ARHGAP8: variants seen among roughly 807,000 people sequenced by gnomAD.
The protein encoded by ARHGAP8 is Rho GTPase activating protein 8.
In ARHGAP8, 62 loss-of-function variants were observed where a neutral mutation model predicts 46.1. The ratio of observed to expected loss-of-function variants is 1.34; its 90% confidence interval spans 1.10 to 1.66. The LOEUF is 1.66. Among genes scored for constraint, ARHGAP8 ranks in the 40% most tolerant of loss-of-function variants. The pLI, the probability that ARHGAP8 is intolerant of heterozygous loss-of-function variation, is 0.00. For synonymous variants in ARHGAP8, 375 were observed against 243.1 expected, an observed-to-expected ratio of 1.54 and a Z score of -5.05; for missense variants, 923 against 568.4, an observed-to-expected ratio of 1.62 and a Z score of -6.34.
At chr22:44,822,329 G>A (rs372088787) in intron 5 of ARHGAP8, 42 bp from the exon 6 acceptor site, 27 of 1,546,872 alleles carry the variant, frequency 1.7e-5, no homozygotes, top group African/African-American at 4.3e-5. Flanking sequence ...CCTCTCTGCT[G>A]GCGCCTAATC....
intron 7 of ARHGAP8, among the ~76,000 whole-genome samples, chr22:44,832,706 A>G (rs976529985): frequency 6.6e-6 from 1 of 152,100 alleles, no homozygotes; most frequent in African/African-American, 2.4e-5. Context: ...GCAAATAGAG[A>G]TGGCTTTACT....
At chr22:44,786,781 A>G in intron 2 of ARHGAP8, among the ~76,000 whole-genome samples, 175 bp downstream of exon 2, 1 of 152,178 alleles carries the variant, frequency 6.6e-6, no homozygotes, top group East Asian at 1.9e-4. Context: ...TTGTGAGGCC[A>G]AAGTGGGCAG....
intron 10 of ARHGAP8, among the ~76,000 whole-genome samples, chr22:44,856,908 A>G (rs1467052384): frequency 6.9e-6 from 1 of 144,096 alleles, no homozygotes; most frequent in Non-Finnish European, 1.5e-5. Flanking sequence ...GTCGCGCTGC[A>G]GACAGAAATC....
intron 2 of ARHGAP8, among the ~76,000 whole-genome samples, chr22:44,799,985 G>T (rs1928365647): frequency 9.7e-6 from 1 of 103,424 alleles, no homozygotes; most frequent in Non-Finnish European, 2.0e-5. Context: ...GTGGGGTGGG[G>T]CAAGGTGGGG....
intron 11 of ARHGAP8, among the ~76,000 whole-genome samples, chr22:44,860,157 T>C (rs879288659): frequency 6.7e-6 from 1 of 149,282 alleles, no homozygotes; most frequent in African/African-American, 2.4e-5. Flanking sequence ...CTCTAGGAGG[T>C]GGGAGCTGTG....
At chr22:44,822,314 C>G in intron 5 of ARHGAP8, 57 bp from the exon 6 acceptor site, 1 of 1,486,848 alleles carries the variant, frequency 6.7e-7, no homozygotes, top group Non-Finnish European at 9.1e-7. Context: ...CCCTGCAACC[C>G]TCGGCCTCTC....
chr22:44,839,851 T>C lies in ARHGAP8; in HGVS notation c.597-5418T>C, dbSNP rs190931044. Reference sequence around the variant, plus strand: ...CAACCACGTCACACTTCTCCTGGTGTTTGTGGAATTTGAGCAGAACTCGGC... The same window carrying C: ...CAACCACGTCACACTTCTCCTGGTGCTTGTGGAATTTGAGCAGAACTCGGC... On this transcript the variant is annotated intron_variant, in intron 7 of 11. Coordinates refer to ENST00000356099, the MANE Select transcript of ARHGAP8 (RefSeq NM_181335.3). 6.7e-3 allele frequency among the ~76,000 whole-genome samples: 1,015 copies of C among 152,306 alleles called. 13 individuals are homozygous for C. The highest frequency in any genetic ancestry group is 0.024 in the African/African-American group (979 of 41,566).
At chr22:44,835,295 T>A (rs1463492389) in intron 7 of ARHGAP8, among the ~76,000 whole-genome samples, 2 of 151,866 alleles carry the variant, frequency 1.3e-5, no homozygotes, top group Admixed American at 1.3e-4. Flanking sequence ...AGAATTTATA[T>A]CTTAATTTAT....
chr22:44,803,012 G>GCCA (rs879218728), intron 3 of ARHGAP8, among the ~76,000 whole-genome samples: 45 of 151,990 alleles, frequency 3.0e-4, no homozygotes, highest in South Asian at 1.5e-3. Flanking sequence ...TGCTGCTGCC[G>GCCA]CCACCACTGG....
At chr22:44,757,011 G>A (rs1047672893) in intron 1 of ARHGAP8, among the ~76,000 whole-genome samples, 7 of 152,116 alleles carry the variant, frequency 4.6e-5, no homozygotes, top group African/African-American at 1.2e-4. Flanking sequence ...GAACTCCTGG[G>A]CTTAAAGGAT....
At chr22:44,861,406 G>C (rs896342745) in intron 11 of ARHGAP8, among the ~76,000 whole-genome samples, 14 of 152,334 alleles carry the variant, frequency 9.2e-5, no homozygotes, top group Admixed American at 5.9e-4. Flanking sequence ...TCGGCTTGAG[G>C]AGGGGTGGCC....
chr22:44,776,295 A>AC (rs564543738), intron 1 of ARHGAP8, among the ~76,000 whole-genome samples: 4 of 152,166 alleles, frequency 2.6e-5, no homozygotes, highest in Non-Finnish European at 5.9e-5. Flanking sequence ...TACTAAAAAT[A>AC]CAAAAAATTA....
chr22:44,778,970 A>G (rs1926622128), intron 1 of ARHGAP8, among the ~76,000 whole-genome samples: 1 of 149,770 alleles, frequency 6.7e-6, no homozygotes, highest in South Asian at 2.1e-4. Flanking sequence ...TGAACCAGGC[A>G]GCAGCTACCA....
chr22:44,779,725 C>T (rs1014388076), intron 1 of ARHGAP8, among the ~76,000 whole-genome samples: 8 of 151,874 alleles, frequency 5.3e-5, no homozygotes, highest in Non-Finnish European at 8.8e-5. Flanking sequence ...TGGGCCACCA[C>T]GCCCAGCTAA....
intron 1 of ARHGAP8, among the ~76,000 whole-genome samples, chr22:44,774,094 C>T (rs984626838): frequency 6.6e-6 from 1 of 152,200 alleles, no homozygotes; most frequent in African/African-American, 2.4e-5. Context: ...GCCAAAGGCT[C>T]TCCAGGTAGT....
In ARHGAP8 at chr22:44,845,301, C is replaced by T; in HGVS notation, c.629C>T (p.Pro210Leu). The change falls in exon 8 of 12, where the codon CCC becomes CTC. Residue 210 changes from proline to leucine, a missense_variant. Coordinates refer to ENST00000356099, the MANE Select transcript of ARHGAP8 (RefSeq NM_181335.3). Reference sequence around the variant, plus strand: ...GACAAAAATCAAGGCGAACTCATCCCCCCTGTGCTGAGGTTCACAGTGACG... The same window carrying T: ...GACAAAAATCAAGGCGAACTCATCCTCCCTGTGCTGAGGTTCACAGTGACG... ...LKDKNQGELI[P>L]PVLRFTVTYL... The T allele has an allele frequency of 1.9e-6, 3 of 1,614,146 alleles. No individual in the cohort carries two copies. Among genetic ancestry groups the T allele is most frequent in the South Asian group, 2.2e-5 (2 of 91,070 alleles).
chr22:44,827,827 G>T (rs1462818673), intron 7 of ARHGAP8, among the ~76,000 whole-genome samples: 1 of 152,120 alleles, frequency 6.6e-6, no homozygotes, highest in Non-Finnish European at 1.5e-5. Context: ...CGGGCCTGGA[G>T]TGCAAATGTG....
In ARHGAP8 at chr22:44,768,360, C is replaced by T. The variant is rs183866388; in HGVS notation, c.-72+15733C>T. On this transcript the variant is annotated intron_variant, in intron 1 of 11. Coordinates refer to ENST00000356099, the MANE Select transcript of ARHGAP8 (RefSeq NM_181335.3). ...TTTCACCCAGGCTGAAGGGCAGTGGCGCAATCAGCCTCAGCTGCAGCCTCA... is the reference window on the plus strand; with the variant it reads ...TTTCACCCAGGCTGAAGGGCAGTGGTGCAATCAGCCTCAGCTGCAGCCTCA... 1.8e-4 allele frequency among the ~76,000 whole-genome samples: 27 copies of T among 152,042 alleles called. No individual in the cohort carries two copies. The South Asian group carries it at 4.0e-3, about 22-fold the overall frequency.
chr22:44,796,056 A>T (rs891786709), intron 2 of ARHGAP8, among the ~76,000 whole-genome samples: 1 of 152,158 alleles, frequency 6.6e-6, no homozygotes, highest in Non-Finnish European at 1.5e-5. Context: ...AGAAAAAGTC[A>T]GACCTCAGTC....
Sources: gnomAD v4.1 joint callset for allele counts (sites outside exome capture counted in the v4.1 genomes callset) on GRCh38, gnomAD v4.1.1 for gene constraint, MANE v1.5 for transcripts, NCBI Gene and HGNC (gene_info 2026-07-23, HGNC 2026-07-21) for gene names.